Variants in TTLL11 observed in about 807,000 individuals in gnomAD.
TTLL11 encodes the protein tubulin tyrosine ligase like 11, also known as tubulin polyglutamylase TTLL11.
In TTLL11, 42 loss-of-function variants were observed where a neutral mutation model predicts 51.7. The ratio of observed to expected loss-of-function variants is 0.81; its 90% CI spans 0.64 to 1.05. TTLL11 has a LOEUF of 1.05. TTLL11 is among the 50% of genes least tolerant of loss of function. TTLL11 has a pLI of 0.00. For missense variants in TTLL11, 799 were observed against 940.4 expected, an observed-to-expected ratio of 0.85 and a Z score of 1.97; for synonymous variants, 381 against 383.5, an observed-to-expected ratio of 0.99 and a Z score of 0.08.
At chr9:122,066,223 G>T (rs529164824) in intron 1 of TTLL11, among the ~76,000 whole-genome samples, 5 of 147,394 alleles carry the variant, frequency 3.4e-5, no homozygotes, top group African/African-American at 1.3e-4. Context: ...TAGTGGTGGT[G>T]GTGGTGGTGG....
At chr9:121,882,285 A>T (rs1347242126) in intron 6 of TTLL11, among the ~76,000 whole-genome samples, 1 of 152,158 alleles carries the variant, frequency 6.6e-6, no homozygotes, top group African/African-American at 2.4e-5. Context: ...GACTGTAGTC[A>T]GCGCCCTGGC....
intron 1 of TTLL11, among the ~76,000 whole-genome samples, chr9:122,060,683 C>T (rs1012661461): frequency 1.2e-4 from 19 of 152,182 alleles, no homozygotes; most frequent in African/African-American, 4.6e-4. Context: ...TTGTGCAAAC[C>T]ACTTCCTCTT....
rs200333428 is a variant in TTLL11, at chr9:121,929,422, AG to A, written c.1481+44586del. Among the ~76,000 whole-genome samples, 135 of 151,770 alleles carry A rather than the reference AG, an allele frequency of 8.9e-4. 1 individual carries two copies. In the East Asian group the frequency reaches 0.013, roughly 14 times the overall value. ...ACCATAGCACTCCAGCCTGGGCAACAGAGCGAGACCCCGTCTCAAAAAAAAA... is the reference window on the plus strand; with the variant it reads ...ACCATAGCACTCCAGCCTGGGCAACAAGCGAGACCCCGTCTCAAAAAAAAA... On this transcript the variant is annotated intron_variant, in intron 6 of 8. Coordinates refer to ENST00000321582, the MANE Select transcript of TTLL11 (RefSeq NM_001139442.2).
intron 1 of TTLL11, among the ~76,000 whole-genome samples, chr9:122,059,123 C>T (rs1300660295): frequency 5.9e-5 from 9 of 152,088 alleles, no homozygotes; most frequent in Admixed American, 5.9e-4. Context: ...TTTGGAAAAG[C>T]CTGTATCCTG....
At chr9:122,041,022 G>A (rs1197240235) in intron 1 of TTLL11, among the ~76,000 whole-genome samples, 2 of 152,126 alleles carry the variant, frequency 1.3e-5, no homozygotes, top group African/African-American at 4.8e-5. Context: ...CCCACAATGA[G>A]GAACCAACAC....
chr9:121,883,705 C>T (rs1415750892), intron 6 of TTLL11, among the ~76,000 whole-genome samples: 2 of 152,194 alleles, frequency 1.3e-5, no homozygotes, highest in African/African-American at 2.4e-5. Context: ...CCCAAGCAGA[C>T]ATCCAGACAG....
At chr9:121,826,525 A>ATGTGTG (rs1836793340) in intron 8 of TTLL11, among the ~76,000 whole-genome samples, 1 of 48,816 alleles carries the variant, frequency 2.0e-5, no homozygotes, top group Non-Finnish European at 4.1e-5. Flanking sequence ...GTATATATAT[A>ATGTGTG]TATGTGTGTG....
In TTLL11 at chr9:121,964,287, TTTTTTTGTTTTTTG is replaced by T. The variant is rs761848889; in HGVS notation, c.1481+9708_1481+9721del. On this transcript the variant is annotated intron_variant, in intron 6 of 8. Coordinates refer to ENST00000321582, the MANE Select transcript of TTLL11 (RefSeq NM_001139442.2). ...AAAACAAGCTCAAATTTCTTTTCCT[TTTTTTTGTTTTTTG>T]TTTTTTGTTTTTTGGAGACTGAGTC... Among the ~76,000 whole-genome samples the T allele has an allele frequency of 3.3e-5, 5 of 151,876 alleles. No individual in the cohort carries two copies. In the South Asian group the frequency reaches 6.2e-4, roughly 19 times the overall value.
Position 122,040,108 on chromosome 9 carries a change from G to A in TTLL11, c.463-740C>T, listed in dbSNP as rs191931204. Among the ~76,000 whole-genome samples, 1,098 of 152,272 alleles carry A rather than the reference G, an allele frequency of 7.2e-3. 15 individuals carry two copies. Among genetic ancestry groups the A allele is most frequent in the African/African-American group, 0.025 (1,057 of 41,562 alleles). ...CTCTGCTGGCCCTTGAACTGGCAGG[G>A]ATAAAAAGCCAGGGCAGGGCAGCTG... is the stretch of plus-strand genomic sequence containing the variant. On this transcript the variant is annotated intron_variant, in intron 1 of 8. Transcript: ENST00000321582.
intron 1 of TTLL11, among the ~76,000 whole-genome samples, chr9:122,070,446 A>C (rs1334541135): frequency 2.6e-5 from 4 of 152,092 alleles, no homozygotes; most frequent in African/African-American, 9.7e-5. Flanking sequence ...GTGTGAGAAC[A>C]TCAACTCCAC....
At chr9:122,069,281 A>G (rs1414006385) in intron 1 of TTLL11, among the ~76,000 whole-genome samples, 1 of 152,158 alleles carries the variant, frequency 6.6e-6, no homozygotes, top group African/African-American at 2.4e-5. Context: ...CGAGTACTTA[A>G]GCCCTACCTC....
chr9:122,026,944 A>ATTAG (rs1272551651), intron 3 of TTLL11, among the ~76,000 whole-genome samples: 1 of 151,362 alleles, frequency 6.6e-6, no homozygotes, highest in African/African-American at 2.4e-5. Context: ...AGCCAGTCGT[A>ATTAG]TTAGACTGTT....
chr9:122,089,816 T>A (rs1239712691), intron 1 of TTLL11, among the ~76,000 whole-genome samples: 2 of 152,108 alleles, frequency 1.3e-5, no homozygotes, highest in African/African-American at 4.8e-5. Context: ...AGAGACAGGG[T>A]CTTGCTCTGT....
chr9:122,001,562 G>T (rs1564351130), intron 3 of TTLL11, among the ~76,000 whole-genome samples: 1 of 151,964 alleles, frequency 6.6e-6, no homozygotes, highest in Non-Finnish European at 1.5e-5. Context: ...TACTTCAGGG[G>T]TCAAGGTCGC....
At chr9:122,030,067 G>A (rs1237041865) in intron 3 of TTLL11, among the ~76,000 whole-genome samples, 1 of 152,052 alleles carries the variant, frequency 6.6e-6, no homozygotes, top group African/African-American at 2.4e-5. Context: ...GCACAATGAT[G>A]AAATCACCCA....
At chr9:121,986,306 G>A (rs1232070817) in intron 4 of TTLL11, among the ~76,000 whole-genome samples, 1 of 152,120 alleles carries the variant, frequency 6.6e-6, no homozygotes, top group African/African-American at 2.4e-5. Flanking sequence ...CCTGCCACTC[G>A]GTCCAAGCCA....
intron 6 of TTLL11, among the ~76,000 whole-genome samples, chr9:121,877,200 C>T (rs1838599313): frequency 6.6e-6 from 1 of 152,206 alleles, no homozygotes; most frequent in Non-Finnish European, 1.5e-5. Context: ...GCACATGTAT[C>T]GTGTTGGCAT....
At chr9:121,962,883 T>G (rs1311445134) in intron 6 of TTLL11, among the ~76,000 whole-genome samples, 1 of 152,234 alleles carries the variant, frequency 6.6e-6, no homozygotes, top group East Asian at 1.9e-4. Flanking sequence ...GATAGAGACA[T>G]GAGACCCTGC....
At chr9:121,839,420 G>A (rs1453811410) in intron 8 of TTLL11, among the ~76,000 whole-genome samples, 5 of 152,140 alleles carry the variant, frequency 3.3e-5, no homozygotes, top group Non-Finnish European at 7.3e-5. Context: ...CACATTGCGG[G>A]GTGATCTTCG....
Sources: gnomAD v4.1 joint callset for allele counts (sites outside exome capture counted in the v4.1 genomes callset) on GRCh38, gnomAD v4.1.1 for gene constraint, MANE v1.5 for transcripts, NCBI Gene and HGNC (gene_info 2026-07-23, HGNC 2026-07-21) for gene names.